The following RASSF4 variants were observed in gnomAD, a reference collection of about 807,000 sequenced individuals.
RASSF4 encodes ras association domain-containing protein 4.
Under a neutral mutation model 41.1 loss-of-function variants are expected in RASSF4, and 38 were observed. The ratio of observed to expected loss-of-function variants is 0.92; its 90% confidence interval spans 0.71 to 1.21. The LOEUF (loss-of-function observed/expected upper bound fraction) is 1.21, where lower values mean the gene tolerates loss of function less well. RASSF4 is among the 50% of genes most tolerant of loss of function. The probability of loss-of-function intolerance (pLI) is 0.00; values close to 1 mark genes in which losing one functional copy is unlikely to be tolerated. For missense variants in RASSF4, 414 were observed against 419.4 expected, an observed-to-expected ratio of 0.99 and a Z score of 0.11; for synonymous variants, 179 against 163.4, an observed-to-expected ratio of 1.10 and a Z score of -0.73.
chr10:44,984,725 G>C, intron 5 of RASSF4, 88 bp from the exon 6 acceptor site: 1 of 1,459,344 alleles, frequency 6.9e-7, no homozygotes, highest in South Asian at 1.2e-5. Flanking sequence ...GTGACCACAG[G>C]GCTCTAGGGT....
In RASSF4 at chr10:44,984,946, C is replaced by T. The variant is rs750124703; in HGVS notation, c.507C>T (p.Ile169=). ...AQRIRRHRFS[I]NGHFYNHKTS... Reference sequence around the variant, plus strand: ...GCATCCGGCGACACCGGTTCTCTATCAACGGCCACTTCTACAATCATAAGG... The same window carrying T: ...GCATCCGGCGACACCGGTTCTCTATTAACGGCCACTTCTACAATCATAAGG... The change falls in exon 6 of 11, where the codon ATC becomes ATT. Residue 169 remains isoleucine, a synonymous_variant. Transcript: ENST00000340258. The T allele has an allele frequency of 8.1e-6, 13 of 1,612,808 alleles. No homozygotes were observed. In the East Asian group the frequency reaches 2.9e-4, roughly 36 times the overall value.
At chr10:44,962,114 ACT>A (rs59085810) in intron 1 of RASSF4, among the ~76,000 whole-genome samples, 6 of 152,080 alleles carry the variant, frequency 3.9e-5, no homozygotes, top group Non-Finnish European at 8.8e-5. Context: ...AGCCCTGAAG[ACT>A]CTCTATCAGC....
intron 3 of RASSF4, chr10:44,982,227 T>G: frequency 2.2e-6 from 1 of 448,012 alleles, no homozygotes. Flanking sequence ...TTCACCGCGG[T>G]GTGGACGTGC....
intron 1 of RASSF4, among the ~76,000 whole-genome samples, chr10:44,962,256 C>T (rs1368258273): frequency 6.6e-6 from 1 of 152,252 alleles, no homozygotes; most frequent in East Asian, 1.9e-4. Flanking sequence ...CTCTTTCTTG[C>T]TGTGACAGGT....
chr10:44,977,292 T>C lies in RASSF4; in HGVS notation c.139-5229T>C, dbSNP rs1458646425. On this transcript the variant is annotated intron_variant, in intron 3 of 10. Transcript: ENST00000340258. Reference sequence around the variant, plus strand: ...GCAGGGGCCTCTGCAGAAAAGCATTTCCCTTTCAGAGACCTGCCAGGGGCA... The same window carrying C: ...GCAGGGGCCTCTGCAGAAAAGCATTCCCCTTTCAGAGACCTGCCAGGGGCA... 3 of 1,447,554 alleles carry C rather than the reference T, an allele frequency of 2.1e-6. No homozygotes were observed. The African/African-American group carries it at 4.3e-5, about 21-fold the overall frequency. 89.7% of individuals were successfully genotyped at this position (1,447,554 alleles called of 1,614,324 possible). A position where few individuals can be genotyped will look rare whatever the true frequency, so the allele number is the denominator to read the frequency against.
chr10:44,987,035 G>A (rs960583240), intron 6 of RASSF4, among the ~76,000 whole-genome samples: 11 of 152,130 alleles, frequency 7.2e-5, no homozygotes, highest in Non-Finnish European at 1.3e-4. Context: ...AAAAGGCTTC[G>A]TGCAGAAGAA....
chr10:44,989,201 C>T (rs1842020225), intron 6 of RASSF4, 73 bp from the exon 7 acceptor site: 2 of 908,608 alleles, frequency 2.2e-6, no homozygotes, highest in African/African-American at 1.6e-5. Context: ...CTGCCTTGGT[C>T]TGTTCACCGT....
chr10:44,991,802 A>C, intron 9 of RASSF4, 103 bp from the exon 10 acceptor site: 1 of 734,004 alleles, frequency 1.4e-6, no homozygotes, highest in Non-Finnish European at 2.3e-6. Context: ...TTCTGTGGAT[A>C]CAAGATGTTG....
intron 3 of RASSF4, chr10:44,978,038 G>T: frequency 6.3e-7 from 1 of 1,596,728 alleles, no homozygotes; most frequent in South Asian, 1.1e-5. Flanking sequence ...CATCACTCTG[G>T]CGAGAGGAGG....
chr10:44,972,472 G>T (rs1841218201), intron 3 of RASSF4, among the ~76,000 whole-genome samples: 1 of 152,254 alleles, frequency 6.6e-6, no homozygotes, highest in South Asian at 2.1e-4. Context: ...TTCAGAAGAG[G>T]ATAGATTATC....
chr10:44,984,196 G>A (rs542399854), intron 5 of RASSF4, 83 bp downstream of exon 5: 39 of 1,344,804 alleles, frequency 2.9e-5, no homozygotes, highest in Admixed American at 2.0e-4. Context: ...CACAATCTCC[G>A]AAGGACAGCT....
At chr10:44,982,887 T>C in intron 4 of RASSF4, 1 of 707,662 alleles carries the variant, frequency 1.4e-6, no homozygotes. Flanking sequence ...CCTCTATTTC[T>C]GTTTCTCAAA....
chr10:44,978,134 G>T (rs1202117105), intron 3 of RASSF4: 2 of 1,368,914 alleles, frequency 1.5e-6, no homozygotes, highest in Non-Finnish European at 2.0e-6. Flanking sequence ...CTCCTCTGGG[G>T]CTGCCTGTAG....
intron 1 of RASSF4, among the ~76,000 whole-genome samples, chr10:44,968,138 C>T (rs996744017): frequency 2.0e-5 from 3 of 152,190 alleles, no homozygotes; most frequent in Admixed American, 6.5e-5. Flanking sequence ...CCAGCCCTTC[C>T]TGTAATGAGT....
chr10:44,978,283 A>G (rs1841541206), intron 3 of RASSF4: 4 of 481,078 alleles, frequency 8.3e-6, no homozygotes, highest in South Asian at 2.9e-5. Flanking sequence ...ATGTGCACAG[A>G]TAAGAGAACC....
chr10:44,983,752 T>C (rs949651981), intron 4 of RASSF4: 27 of 484,052 alleles, frequency 5.6e-5, no homozygotes, highest in Non-Finnish European at 7.8e-5. Context: ...ACTATGTTCA[T>C]GTGTCCGTGT....
chr10:44,989,741 CT>C lies in RASSF4; in HGVS notation c.685+21del, dbSNP rs753001050. 1.6e-5 allele frequency: 26 copies of C among 1,612,314 alleles called. No homozygotes were observed. The highest frequency in any genetic ancestry group is 2.2e-5 in the Non-Finnish European group (26 of 1,178,426). Reference sequence around the variant, plus strand: ...CTGGGGGTAAGTACCTGCCCCACTTCTGGATCGTAAAAGCAAAAGGTCTCTA... The same window carrying C: ...CTGGGGGTAAGTACCTGCCCCACTTCGGATCGTAAAAGCAAAAGGTCTCTA... On this transcript the variant is annotated intron_variant, in intron 8 of 10. Transcript: ENST00000340258.
rs774513970 is a variant in RASSF4 at position 44,984,111 on chromosome 10, C to T, written c.371C>T (p.Ser124Leu). 1.4e-5 allele frequency: 22 copies of T among 1,597,624 alleles called. No individual in the cohort carries two copies. The highest frequency in any genetic ancestry group is 4.5e-5 in the East Asian group (2 of 44,224). ...VHKAESSTDS[S>L]GPLEEAEEAP... ...AAGGCTGAGAGTTCCACAGACAGCT[C>T]GGGTAAGCGGAGCCCGCAAGCTGCC... Residue 124 changes from serine to leucine, a missense_variant and splice_region_variant, in exon 5 of 11, where the codon TCG becomes TTG. Transcript: ENST00000340258.
intron 3 of RASSF4, chr10:44,982,037 G>T: frequency 5.7e-6 from 1 of 176,752 alleles, no homozygotes; most frequent in Non-Finnish European, 1.2e-5. Flanking sequence ...CGGGAGAAGG[G>T]TGAGGCTGAG....
Sources: gnomAD v4.1 joint callset for allele counts (sites outside exome capture counted in the v4.1 genomes callset) on GRCh38, gnomAD v4.1.1 for gene constraint, MANE v1.5 for transcripts, NCBI Gene and HGNC (gene_info 2026-07-23, HGNC 2026-07-21) for gene names.